The following AOX1 variants were observed in gnomAD, a reference collection of about 807,000 sequenced individuals.
AOX1 encodes aldehyde oxidase 1.
A neutral mutation model predicts 169.5 loss-of-function variants in AOX1; 153 were observed. The observed-to-expected ratio is 0.90, with a 90% CI of 0.79 to 1.03. AOX1 has a LOEUF of 1.03. Ranked by LOEUF, AOX1 falls within the 50% of genes least tolerant of loss-of-function variation. The pLI is 0.00. For synonymous variants in AOX1, 562 were observed against 581.9 expected, an observed-to-expected ratio of 0.97 and a Z score of 0.49; for missense variants, 1,656 against 1,663.9, an observed-to-expected ratio of 1.00 and a Z score of 0.08.
intron 25 of AOX1, among the ~76,000 whole-genome samples, chr2:200,645,956 T>G (rs2035445703): frequency 6.6e-6 from 1 of 152,242 alleles, no homozygotes; most frequent in African/African-American, 2.4e-5. Context: ...GGATTTTTAC[T>G]CTTCTTTTCT....
At chr2:200,644,317 T>C (rs1437867912) in intron 25 of AOX1, among the ~76,000 whole-genome samples, 1 of 152,210 alleles carries the variant, frequency 6.6e-6, no homozygotes, top group East Asian at 1.9e-4. Flanking sequence ...TTGAAAAGGA[T>C]GTCCTTTCCC....
intron 26 of AOX1, among the ~76,000 whole-genome samples, chr2:200,656,071 A>G (rs994483988): frequency 1.3e-5 from 2 of 152,200 alleles, no homozygotes; most frequent in African/African-American, 4.8e-5. Flanking sequence ...CCCAGACCAC[A>G]CCCATGCGGT....
In AOX1 at chr2:200,616,193, C is replaced by T. The variant is rs950121457; in HGVS notation, c.1704+130C>T. The T allele has an allele frequency of 1.1e-5, 7 of 657,624 alleles. No homozygotes were observed. In the African/African-American group the frequency reaches 1.3e-4, roughly 12 times the overall value. The allele number at this position is 657,624 out of a possible 1,614,324, so 40.7% of individuals were successfully genotyped here. On this transcript the variant is annotated intron_variant, in intron 16 of 34. Coordinates refer to ENST00000374700, the MANE Select transcript of AOX1 (RefSeq NM_001159.4). The stretch of plus-strand genomic sequence containing the variant: ...GCTCCACTTCTGGTAAACTCACAGC[C>T]TCTTTATGGGTAACTAAAATTCCAA...
chr2:200,657,918 G>A (rs1482432673), intron 27 of AOX1, among the ~76,000 whole-genome samples: 3 of 152,094 alleles, frequency 2.0e-5, no homozygotes, highest in African/African-American at 7.2e-5. Flanking sequence ...TCACCAACAT[G>A]CTTTTGTTTA....
intron 33 of AOX1, 51 bp from the exon 34 acceptor site, chr2:200,669,524 A>G: frequency 6.3e-7 from 1 of 1,589,388 alleles, no homozygotes; most frequent in Non-Finnish European, 8.6e-7. Flanking sequence ...ATGCACATAT[A>G]TACAGAGTGA....
At chr2:200,634,759 T>C (rs368296520) in intron 20 of AOX1, 32 bp from the exon 21 acceptor site, 35 of 1,612,660 alleles carry the variant, frequency 2.2e-5, no homozygotes, top group Non-Finnish European at 2.8e-5. Context: ...TTCTGACTGC[T>C]TCCTTGACTT....
chr2:200,663,596 T>TCTCCCCC (rs141563329), intron 31 of AOX1, among the ~76,000 whole-genome samples: 4 of 147,928 alleles, frequency 2.7e-5, no homozygotes, highest in East Asian at 4.0e-4. Flanking sequence ...TCTCTCTCTC[T>TCTCCCCC]CCCCCTCTTT....
At position 200,636,949 on chromosome 2, in the gene AOX1, G is replaced by A. The variant is rs1375306561; in HGVS notation, c.2385G>A (p.Lys795=). The part of the protein sequence containing the change: ...VASTLKLPAN[K]VMCHVRRVGG... Reference sequence around the variant, plus strand: ...CAACCTTGAAGCTCCCAGCTAACAAGGTCATGTGCCATGTAAGGCGTGTTG... The same window carrying A: ...CAACCTTGAAGCTCCCAGCTAACAAAGTCATGTGCCATGTAAGGCGTGTTG... Residue 795 remains lysine, a synonymous_variant, in exon 22 of 35, where the codon AAG becomes AAA. Coordinates refer to ENST00000374700, the MANE Select transcript of AOX1 (RefSeq NM_001159.4). 2 of 1,613,986 alleles carry A rather than the reference G, an allele frequency of 1.2e-6. No individual in the cohort carries two copies. The highest frequency in any genetic ancestry group is 1.7e-6 in the Non-Finnish European group (2 of 1,179,986).
chr2:200,604,924 T>C, intron 9 of AOX1, 84 bp downstream of exon 9: 1 of 1,231,448 alleles, frequency 8.1e-7, no homozygotes, highest in South Asian at 1.3e-5. Flanking sequence ...GGAAACTTCA[T>C]ATACATGTGT....
chr2:200,675,242 A>G (rs953131441), downstream of AOX1, among the ~76,000 whole-genome samples: 8 of 152,230 alleles, frequency 5.3e-5, no homozygotes, highest in Admixed American at 4.6e-4. Flanking sequence ...ATAGCTGGGC[A>G]TTTATAACAG....
At position 200,616,043 on chromosome 2, in the gene AOX1, T is replaced by G; in HGVS notation, c.1684T>G (p.Cys562Gly). The G allele has an allele frequency of 6.2e-7, 1 of 1,612,792 alleles. No homozygotes were observed. Among genetic ancestry groups the G allele is most frequent in the Non-Finnish European group, 8.5e-7 (1 of 1,178,782 alleles). Residue 562 changes from cysteine to glycine, a missense_variant, in exon 16 of 35, where the codon TGC becomes GGC. By Grantham distance (159) the Cys-to-Gly change is radical (BLOSUM62 -3). Transcript: ENST00000374700. ...AGAAGATCTTCATTCCAAACATCAC[T>G]GCAGTACATTAAAGTACCAGGTGAG... ...ALEDLHSKHH[C>G]STLKYQNIGP... is the part of the protein sequence containing the mutation.
At chr2:200,660,948 T>G (rs541063705) in intron 29 of AOX1, among the ~76,000 whole-genome samples, 1 of 152,104 alleles carries the variant, frequency 6.6e-6, no homozygotes, top group South Asian at 2.1e-4. Context: ...GCATGGAGAG[T>G]AGTACTCCAC....
chr2:200,606,876 T>G (rs1430630315), intron 10 of AOX1, among the ~76,000 whole-genome samples: 1 of 152,154 alleles, frequency 6.6e-6, no homozygotes, highest in African/African-American at 2.4e-5. Flanking sequence ...CTTAAGGAGT[T>G]TTTGGGCTGA....
chr2:200,620,940 G>C, intron 17 of AOX1, 121 bp downstream of exon 17: 1 of 1,320,642 alleles, frequency 7.6e-7, no homozygotes. Context: ...ATGCAGACCA[G>C]AGGTGAAACA....
intron 20 of AOX1, among the ~76,000 whole-genome samples, chr2:200,630,544 AAGGG>A (rs1253532055): frequency 4.7e-5 from 6 of 128,390 alleles, no homozygotes; most frequent in African/African-American, 1.2e-4. Context: ...GGATGGAAGG[AAGGG>A]AGGAAGGAAG....
intron 3 of AOX1, 50 bp from the exon 4 acceptor site, chr2:200,597,347 A>T: frequency 7.3e-7 from 1 of 1,378,702 alleles, no homozygotes; most frequent in Non-Finnish European, 1.0e-6. Context: ...CCCCTTTCCC[A>T]CTGTATGCGA....
chr2:200,634,899 T>C lies in AOX1; in HGVS notation c.2330T>C (p.Phe777Ser). ...ATGGATGTCTACGTGTCCACACAGT[T>C]TCCCAAATATATACAGGTAACATGG... ...QEMDVYVSTQFPKYIQDIVAS... is the reference protein window; with the variant it reads ...QEMDVYVSTQSPKYIQDIVAS... The change falls in exon 21 of 35, where the codon TTT becomes TCT. Residue 777 changes from phenylalanine to serine, a missense_variant. Phe to Ser is a radical substitution (Grantham distance 155, BLOSUM62 -2). Transcript: ENST00000374700. 1 of 1,614,042 alleles carries C rather than the reference T, an allele frequency of 6.2e-7. No homozygotes were observed. Among genetic ancestry groups the C allele is most frequent in the Non-Finnish European group, 8.5e-7 (1 of 1,179,914 alleles).
downstream of AOX1, among the ~76,000 whole-genome samples, chr2:200,681,913 G>A (rs1378772848): frequency 6.6e-6 from 1 of 151,576 alleles, no homozygotes; most frequent in Non-Finnish European, 1.5e-5. Flanking sequence ...AAAAGAAGCT[G>A]TGACCTTTTG....
In AOX1 at chr2:200,616,054, A is replaced by T; in HGVS notation, c.1695A>T (p.Leu565Phe). The stretch of plus-strand genomic sequence containing the variant: ...ATTCCAAACATCACTGCAGTACATT[A>T]AAGTACCAGGTGAGCGGTATTTCTT... ...DLHSKHHCST[L>F]KYQNIGPKQH... The change falls in exon 16 of 35, where the codon TTA becomes TTT. Residue 565 changes from leucine to phenylalanine, a missense_variant. By Grantham distance (22) the Leu-to-Phe change is conservative (BLOSUM62 0). Coordinates refer to ENST00000374700, the MANE Select transcript of AOX1 (RefSeq NM_001159.4). The T allele has an allele frequency of 6.2e-7, 1 of 1,611,264 alleles. No individual in the cohort carries two copies. The highest frequency in any genetic ancestry group is 8.5e-7 in the Non-Finnish European group (1 of 1,177,490).
Sources: gnomAD v4.1 joint callset for allele counts (sites outside exome capture counted in the v4.1 genomes callset) on GRCh38, gnomAD v4.1.1 for gene constraint, MANE v1.5 for transcripts, NCBI Gene and HGNC (gene_info 2026-07-23, HGNC 2026-07-21) for gene names.